The following TAS2R1 variants were observed in gnomAD, a reference collection of about 807,000 sequenced individuals.
The protein encoded by TAS2R1 is taste receptor type 2 member 1.
For missense variants in TAS2R1, 370 were observed against 353.4 expected (o/e 1.05, Z -0.38); for synonymous variants, 141 against 134.2 (o/e 1.05, Z -0.35).
chr5:9,758,843 A>G, the TAS2R1 span, among the ~76,000 whole-genome samples: 1 of 152,210 alleles, frequency 6.6e-6, no homozygotes, highest in Non-Finnish European at 1.5e-5. Flanking sequence ...TGGGGCTTCT[A>G]AACTAATATA....
In TAS2R1 at chr5:9,645,881, C is replaced by G. The variant is rs1740176772; in HGVS notation, c.-81+13540G>C. Among the ~76,000 whole-genome samples, 4 of 152,138 alleles carry G rather than the reference C, an allele frequency of 2.6e-5. 1 individual carries two copies. In the South Asian group the frequency reaches 8.3e-4, roughly 31 times the overall value. On this transcript the variant is annotated intron_variant, in intron 2 of 2. Transcript: ENST00000506620. The stretch of plus-strand genomic sequence containing the variant: ...CAGAATATGTCAGCCTCAGAACCAG[C>G]CCTCACTTACTGCTGGCCTTGACAT...
chr5:9,635,849 A>C (rs1222796113), intron 2 of TAS2R1, among the ~76,000 whole-genome samples: 1 of 152,004 alleles, frequency 6.6e-6, no homozygotes, highest in East Asian at 1.9e-4. Context: ...TAATCTCACT[A>C]ATGGTCTATC....
chr5:9,834,752 T>TC, the TAS2R1 span, among the ~76,000 whole-genome samples: 1 of 88,764 alleles, frequency 1.1e-5, no homozygotes, highest in Non-Finnish European at 2.1e-5. Context: ...TATTACTGCA[T>TC]TAAAAAAAAA....
chr5:9,658,426 G>C (rs988129580), intron 2 of TAS2R1: 1 of 152,188 alleles, frequency 6.6e-6, no homozygotes, highest in African/African-American at 2.4e-5. Context: ...GGAATCACCT[G>C]AAAGATTTCT....
At chr5:9,753,955 G>C in the TAS2R1 span, among the ~76,000 whole-genome samples, 1 of 152,126 alleles carries the variant, frequency 6.6e-6, no homozygotes, top group African/African-American at 2.4e-5. Flanking sequence ...CTGTAGCCTT[G>C]TAGTATAGTT....
chr5:9,739,380 C>A, the TAS2R1 span, among the ~76,000 whole-genome samples: 106 of 152,264 alleles, frequency 7.0e-4, no homozygotes, highest in African/African-American at 2.5e-3. Flanking sequence ...ACTAACCTAC[C>A]CCTGGAGGCA....
chr5:9,889,168 T>A, the TAS2R1 span, among the ~76,000 whole-genome samples: 1 of 151,816 alleles, frequency 6.6e-6, no homozygotes, highest in African/African-American at 2.4e-5. Flanking sequence ...TGAAAGGGGG[T>A]CGGAGCTTGC....
intron 1 of TAS2R1, among the ~76,000 whole-genome samples, chr5:9,689,815 A>T (rs1313008396): frequency 6.6e-6 from 1 of 152,226 alleles, no homozygotes; most frequent in African/African-American, 2.4e-5. Flanking sequence ...ATAAAATATT[A>T]CAAATTCATC....
intron 1 of TAS2R1, among the ~76,000 whole-genome samples, chr5:9,692,157 G>T (rs1011132452): frequency 6.6e-6 from 1 of 152,126 alleles, no homozygotes; most frequent in Non-Finnish European, 1.5e-5. Context: ...CCCTTGGTTC[G>T]TGTGAAAGGA....
chr5:9,815,585 C>T, the TAS2R1 span, among the ~76,000 whole-genome samples: 1 of 152,196 alleles, frequency 6.6e-6, no homozygotes, highest in African/African-American at 2.4e-5. Flanking sequence ...AGACTTCCTT[C>T]TGCTACATTG....
the TAS2R1 span, among the ~76,000 whole-genome samples, chr5:9,769,629 A>T: frequency 3.0e-3 from 461 of 152,288 alleles, 1 homozygote; most frequent in African/African-American, 0.011. Flanking sequence ...ATAATATCTC[A>T]TTATAGTTTT....
At chr5:9,882,994 G>A in the TAS2R1 span, among the ~76,000 whole-genome samples, 1 of 152,156 alleles carries the variant, frequency 6.6e-6, no homozygotes, top group South Asian at 2.1e-4. Flanking sequence ...ATCAATGATA[G>A]ACTAGATAAA....
intron 1 of TAS2R1, among the ~76,000 whole-genome samples, chr5:9,694,361 A>G (rs2126520338): frequency 6.6e-6 from 1 of 152,322 alleles, no homozygotes; most frequent in African/African-American, 2.4e-5. Context: ...ACCAAAAATG[A>G]CTTATTGTCT....
intron 1 of TAS2R1, among the ~76,000 whole-genome samples, chr5:9,708,272 T>C (rs1011725299): frequency 1.3e-5 from 2 of 152,206 alleles, no homozygotes; most frequent in African/African-American, 4.8e-5. Flanking sequence ...CCACAGACTG[T>C]CACTTTCTTT....
rs771054326 is a variant in TAS2R1, at chr5:9,629,763, T to C, written c.270A>G (p.Glu90=). 68 of 1,613,802 alleles carry C rather than the reference T, an allele frequency of 4.2e-5. No individual in the cohort carries two copies. The Admixed American group carries it at 1.1e-3, about 27-fold the overall frequency. ...ANCAILLFIN[E]LELWLATWLG... ...GCCATGTGGCAAGCCAAAGTTCCAA[T>C]TCATTTATAAATAAGAGAATTGCAC... is the stretch of plus-strand genomic sequence containing the variant. The change falls in exon 1 of 1, where the codon GAA becomes GAG. Residue 90 remains glutamate, a synonymous_variant. Transcript: ENST00000382492.
chr5:9,677,358 A>C (rs1344162763), intron 1 of TAS2R1, among the ~76,000 whole-genome samples: 1 of 152,118 alleles, frequency 6.6e-6, no homozygotes, highest in Non-Finnish European at 1.5e-5. Context: ...TCCCCATGAC[A>C]CAAGTTCACC....
chr5:9,746,856 C>A, the TAS2R1 span, among the ~76,000 whole-genome samples: 1 of 152,114 alleles, frequency 6.6e-6, no homozygotes, highest in African/African-American at 2.4e-5. Context: ...ATAGGTGCAG[C>A]AAACCACCAT....
At chr5:9,886,495 A>C in the TAS2R1 span, among the ~76,000 whole-genome samples, 28,137 of 151,328 alleles carry the variant, frequency 0.19, 4,123 homozygotes, top group African/African-American at 0.41. Flanking sequence ...CCATGCCCAG[A>C]TAATTTTTTT....
the TAS2R1 span, among the ~76,000 whole-genome samples, chr5:9,870,696 A>T: frequency 6.6e-6 from 1 of 152,230 alleles, no homozygotes; most frequent in African/African-American, 2.4e-5. Flanking sequence ...GTATCAGGAC[A>T]TAATACGAGC....
Sources: allele counts gnomAD v4.1 joint callset (sites outside exome capture counted in the v4.1 genomes callset), GRCh38; gene constraint gnomAD v4.1.1; transcripts MANE v1.5; gene names NCBI Gene and HGNC (gene_info 2026-07-23, HGNC 2026-07-21).